Variants in CLIP4 observed in about 807,000 individuals in gnomAD.
The protein encoded by CLIP4 is CAP-Gly domain containing linker protein family member 4, also known as CAP-Gly domain-containing linker protein 4.
A neutral mutation model predicts 73.1 loss-of-function variants in CLIP4; 47 were observed. The ratio of observed to expected loss-of-function variants is 0.64; its 90% CI spans 0.51 to 0.82. CLIP4 has a LOEUF of 0.82. CLIP4 is among the 40% of genes least tolerant of loss of function. The probability of loss-of-function intolerance (pLI) is 0.00; values close to 1 mark genes in which losing one functional copy is unlikely to be tolerated. For synonymous variants in CLIP4, 306 were observed against 295.4 expected, an observed-to-expected ratio of 1.04 and a Z score of -0.37; for missense variants, 874 against 852.9, an observed-to-expected ratio of 1.02 and a Z score of -0.31.
rs558549926 is a variant in CLIP4 at position 29,106,255 on chromosome 2, G to A, written c.-16+8308G>A. ...GGAAGTACTTAGAACAATGCACATC[G>A]CATAGTTTAAGTACTCAGTAAATGC... On this transcript the variant is annotated intron_variant, in intron 1 of 14. Transcript: ENST00000401605. Among the ~76,000 whole-genome samples the A allele has an allele frequency of 6.6e-5, 10 of 152,170 alleles. No homozygotes were observed. The South Asian group carries it at 8.3e-4, about 13-fold the overall frequency.
At chr2:29,163,733 A>T (rs752690204) in intron 12 of CLIP4, 98 bp from the exon 13 acceptor site, 138 of 1,208,306 alleles carry the variant, frequency 1.1e-4, no homozygotes, top group Non-Finnish European at 1.5e-4. Context: ...TTGGTCATTT[A>T]TGGAAATGTT....
At chr2:29,138,513 A>T (rs1665535579) in intron 6 of CLIP4, among the ~76,000 whole-genome samples, 1 of 150,004 alleles carries the variant, frequency 6.7e-6, no homozygotes, top group African/African-American at 2.5e-5. Context: ...GCTCCATATG[A>T]ATTTTAGAAC....
intron 15 of CLIP4, among the ~76,000 whole-genome samples, chr2:29,175,759 T>G (rs1202590241): frequency 6.6e-6 from 1 of 152,172 alleles, no homozygotes; most frequent in East Asian, 1.9e-4. Context: ...ACTTTTTTCT[T>G]TTTTTAATTT....
chr2:29,165,603 C>A (rs1053639208), intron 13 of CLIP4, among the ~76,000 whole-genome samples: 4 of 152,288 alleles, frequency 2.6e-5, no homozygotes, highest in Middle Eastern at 3.4e-3. Flanking sequence ...CATGCTGAGT[C>A]ACCAGTGAAT....
chr2:29,165,387 C>A (rs574277599), intron 13 of CLIP4, among the ~76,000 whole-genome samples: 32 of 152,192 alleles, frequency 2.1e-4, no homozygotes, highest in African/African-American at 7.2e-4. Flanking sequence ...TCTCCAGTAA[C>A]CCTGTGGTGC....
In CLIP4 at chr2:29,143,825, G is replaced by A. The variant is rs1317194474; in HGVS notation, c.765G>A (p.Val255=). Residue 255 remains valine (V), a synonymous_variant, in exon 7 of 16, where the codon GTG becomes GTA. Transcript: ENST00000320081. The part of the protein sequence containing the change: ...KEIKQMLLDA[V]PLSCNISKAM... The stretch of plus-strand genomic sequence containing the variant: ...TCAAGCAGATGCTTCTAGATGCGGT[G>A]CCTCTGTCATGTAACATCTCAAAGG... 1 of 1,614,142 alleles carries A rather than the reference G, an allele frequency of 6.2e-7. No homozygotes were observed. The highest frequency in any genetic ancestry group is 8.5e-7 in the Non-Finnish European group (1 of 1,179,988).
rs1271823203 is a variant in CLIP4 at position 29,134,772 on chromosome 2, A to G, written c.530-776A>G. On this transcript the variant is annotated intron_variant, in intron 5 of 15. Transcript: ENST00000320081. Reference sequence around the variant, plus strand: ...AAATCTGGAGGATTTCCTGTATTTAAGTATAACATATGATGCTATGTTAAA... The same window carrying G: ...AAATCTGGAGGATTTCCTGTATTTAGGTATAACATATGATGCTATGTTAAA... Among the ~76,000 whole-genome samples the G allele has an allele frequency of 2.6e-5, 4 of 152,174 alleles. No homozygotes were observed. In the East Asian group the frequency reaches 7.7e-4, roughly 29 times the overall value.
At position 29,131,259 on chromosome 2, in the gene CLIP4, A is replaced by G; in HGVS notation, c.135A>G (p.Glu45=). The change falls in exon 3 of 16, where the codon GAA becomes GAG. Residue 45 remains glutamate, a splice_region_variant and synonymous_variant. Coordinates refer to ENST00000320081, the MANE Select transcript of CLIP4 (RefSeq NM_024692.6). Reference sequence around the variant, plus strand: ...AATTTGCATCTTTTTTTATTTCAGAATTTTCTTTCTTTGATCCTAATGATG... The same window carrying G: ...AATTTGCATCTTTTTTTATTTCAGAGTTTTCTTTCTTTGATCCTAATGATG... ...ISAAPMPSDC[E]FSFFDPNDAS... is the part of the protein sequence containing the mutation. The G allele has an allele frequency of 6.3e-7, 1 of 1,591,472 alleles. No homozygotes were observed. The highest frequency in any genetic ancestry group is 8.5e-7 in the Non-Finnish European group (1 of 1,170,526).
intron 1 of CLIP4, among the ~76,000 whole-genome samples, chr2:29,099,114 T>C (rs905165815): frequency 2.0e-5 from 3 of 152,238 alleles, no homozygotes; most frequent in African/African-American, 7.2e-5. Flanking sequence ...TTACCAGACA[T>C]GTGTTTTGCA....
intron 6 of CLIP4, among the ~76,000 whole-genome samples, chr2:29,141,418 G>C (rs1361978228): frequency 1.3e-5 from 2 of 151,964 alleles, no homozygotes; most frequent in African/African-American, 4.8e-5. Context: ...CTTTCAGTGG[G>C]GTGTTGAAGT....
chr2:29,129,288 A>G (rs747439635), intron 2 of CLIP4, among the ~76,000 whole-genome samples: 4 of 152,216 alleles, frequency 2.6e-5, no homozygotes, highest in Non-Finnish European at 5.9e-5. Context: ...AAACTAAACC[A>G]ACAATGTTTT....
At chr2:29,133,597 C>A in intron 4 of CLIP4, 58 bp from the exon 5 acceptor site, 1 of 1,511,090 alleles carries the variant, frequency 6.6e-7, no homozygotes, top group South Asian at 1.3e-5. Flanking sequence ...AATTGGTAGC[C>A]ATCCATTGGA....
chr2:29,130,825 A>G (rs1211278667), intron 2 of CLIP4: 8 of 1,289,270 alleles, frequency 6.2e-6, no homozygotes, highest in Admixed American at 2.3e-5. Context: ...AGAAGAAAGC[A>G]AAAACAAAAA....
intron 14 of CLIP4, among the ~76,000 whole-genome samples, chr2:29,172,007 CTGT>C (rs1279443805): frequency 8.5e-6 from 1 of 118,188 alleles, no homozygotes; most frequent in Non-Finnish European, 1.9e-5. Flanking sequence ...TTCCCACCCT[CTGT>C]TTTTTTTTTT....
At chr2:29,102,309 C>A (rs1668072712) in intron 1 of CLIP4, among the ~76,000 whole-genome samples, 1 of 152,194 alleles carries the variant, frequency 6.6e-6, no homozygotes, top group African/African-American at 2.4e-5. Flanking sequence ...AATGAGACTG[C>A]AGGGACACGA....
intron 15 of CLIP4, among the ~76,000 whole-genome samples, chr2:29,177,016 C>G (rs1395336474): frequency 6.6e-6 from 1 of 152,204 alleles, no homozygotes; most frequent in East Asian, 1.9e-4. Flanking sequence ...AAGACCTACA[C>G]GATTGGCTCT....
chr2:29,174,345 C>A, intron 14 of CLIP4, 28 bp from the exon 15 acceptor site: 2 of 1,562,264 alleles, frequency 1.3e-6, no homozygotes, highest in Non-Finnish European at 1.7e-6. Context: ...TATATTTTTC[C>A]TCTGCTAACC....
chr2:29,120,932 CATTTTAAG>C (rs1664208249), intron 1 of CLIP4, among the ~76,000 whole-genome samples: 1 of 152,068 alleles, frequency 6.6e-6, no homozygotes, highest in Non-Finnish European at 1.5e-5. Context: ...ATAATGGAAA[CATTTTAAG>C]GTAGATTATC....
At chr2:29,111,426 A>G (rs551608180), upstream of CLIP4, among the ~76,000 whole-genome samples, 3 of 152,352 alleles carry the variant, frequency 2.0e-5, no homozygotes, top group South Asian at 6.2e-4. Context: ...ACTGTACGTT[A>G]GGACTTTTCC....
Sources: gnomAD v4.1 joint callset for allele counts (sites outside exome capture counted in the v4.1 genomes callset) on GRCh38, gnomAD v4.1.1 for gene constraint, MANE v1.5 for transcripts, NCBI Gene and HGNC (gene_info 2026-07-23, HGNC 2026-07-21) for gene names.